Variants in QTGAL observed in about 807,000 individuals in gnomAD.
QTGAL encodes BGnT-like protein 1.
the QTGAL span, among the ~76,000 whole-genome samples, chr17:82,951,088 A>G: frequency 6.6e-6 from 1 of 152,200 alleles, no homozygotes; most frequent in Non-Finnish European, 1.5e-5. Flanking sequence ...GCGTTCCAAT[A>G]ATGGAACACT....
chr17:82,976,227 G>A, the QTGAL span, among the ~76,000 whole-genome samples: 47 of 62,666 alleles, frequency 7.5e-4, no homozygotes, highest in African/African-American at 1.6e-3. Flanking sequence ...GGACAGAGCC[G>A]GACTCCATCC....
the QTGAL span, chr17:83,005,255 C>G: frequency 4.0e-6 from 6 of 1,498,506 alleles, no homozygotes; most frequent in Admixed American, 3.5e-5. The surrounding 1 kb of genome is among the most constrained non-coding windows in gnomAD (Gnocchi z 5.6). Flanking sequence ...AAGTCAGGTA[C>G]GCAGGTGCAT....
the QTGAL span, chr17:82,956,904 C>A: frequency 8.9e-7 from 1 of 1,122,994 alleles, no homozygotes; most frequent in South Asian, 1.3e-5. This position sits in a 1 kb window ranked among gnomAD's most constrained non-coding sequence, Gnocchi z 5.7. Flanking sequence ...GTGCCAGGGT[C>A]ACAGACTGCG....
At chr17:82,959,976 G>A in the QTGAL span, among the ~76,000 whole-genome samples, 13 of 152,280 alleles carry the variant, frequency 8.5e-5, no homozygotes, top group East Asian at 1.2e-3. Flanking sequence ...CCGTGGCCCC[G>A]CCTTAGCACC....
chr17:83,003,078 CA>C, the QTGAL span, among the ~76,000 whole-genome samples: 1 of 28,182 alleles, frequency 3.5e-5, no homozygotes, highest in Non-Finnish European at 8.2e-5. Context: ...CCACTCTCCG[CA>C]GTCCGCGTGT....
the QTGAL span, among the ~76,000 whole-genome samples, chr17:83,019,061 C>T: frequency 1.3e-5 from 2 of 152,148 alleles, no homozygotes; most frequent in Admixed American, 6.5e-5. Context: ...CACCAGGAGA[C>T]GCACGATGAC....
chr17:82,984,600 A>AGAGACCACGTGATTATGC, the QTGAL span, among the ~76,000 whole-genome samples: 1 of 152,020 alleles, frequency 6.6e-6, no homozygotes, highest in Non-Finnish European at 1.5e-5. Flanking sequence ...TCGTGCAGGG[A>AGAGACCACGTGATTATGC]AAGGGTGCCA....
At chr17:82,989,652 A>G in the QTGAL span, among the ~76,000 whole-genome samples, 1 of 152,208 alleles carries the variant, frequency 6.6e-6, no homozygotes, top group Non-Finnish European at 1.5e-5. Flanking sequence ...GACATGCACA[A>G]TGCTTACAAA....
chr17:82,970,557 C>CCGCGACCTCCGCACCCAGCGTGGA, the QTGAL span, among the ~76,000 whole-genome samples: 1 of 90,172 alleles, frequency 1.1e-5, no homozygotes, highest in African/African-American at 5.0e-5. Context: ...CCCGGCGTGG[C>CCGCGACCTCCGCACCCAGCGTGGA]CGCGACCTCC....
At chr17:82,944,146 A>C in the QTGAL span, 15 of 152,392 alleles carry the variant, frequency 9.8e-5, no homozygotes, top group East Asian at 2.7e-3. Flanking sequence ...ATTTTAAGAC[A>C]TGGAGGCAGG....
At chr17:82,986,832 C>T in the QTGAL span, among the ~76,000 whole-genome samples, 2 of 152,186 alleles carry the variant, frequency 1.3e-5, no homozygotes, top group South Asian at 2.1e-4. Context: ...AATGTTGGGG[C>T]GTATTACTCC....
chr17:83,011,954 A>G, the QTGAL span, among the ~76,000 whole-genome samples: 35 of 146,980 alleles, frequency 2.4e-4, no homozygotes, highest in East Asian at 2.0e-4. Context: ...CCTCGTATCC[A>G]TAAGTATCCC....
At chr17:82,970,544 G>GCGTGGACGTGACCTCCC in the QTGAL span, among the ~76,000 whole-genome samples, 4 of 90,808 alleles carry the variant, frequency 4.4e-5, no homozygotes, top group African/African-American at 2.2e-4. Flanking sequence ...CGCGACCTCC[G>GCGTGGACGTGACCTCCC]CACCCGGCGT....
At chr17:82,999,712 T>G in the QTGAL span, among the ~76,000 whole-genome samples, 1 of 152,324 alleles carries the variant, frequency 6.6e-6, no homozygotes, top group South Asian at 2.1e-4. Context: ...GTTCACGTAG[T>G]CTGTTTACAA....
the QTGAL span, among the ~76,000 whole-genome samples, chr17:83,033,621 A>G: frequency 2.0e-5 from 3 of 151,358 alleles, no homozygotes; most frequent in Non-Finnish European, 2.9e-5. Context: ...ACAGGCGCCC[A>G]CCACCACGCC....
At chr17:82,979,582 A>G in the QTGAL span, among the ~76,000 whole-genome samples, 2 of 152,230 alleles carry the variant, frequency 1.3e-5, no homozygotes, top group Non-Finnish European at 2.9e-5. Context: ...CTTGTACACT[A>G]AAAACTACAA....
At chr17:82,957,574 G>A in the QTGAL span, 1 of 1,487,356 alleles carries the variant, frequency 6.7e-7, no homozygotes, top group Middle Eastern at 2.3e-4. Context: ...GACATGATGT[G>A]TGCTCAGCTC....
chr17:83,027,249 C>T, the QTGAL span, among the ~76,000 whole-genome samples: 9 of 152,384 alleles, frequency 5.9e-5, no homozygotes, highest in African/African-American at 2.2e-4. Flanking sequence ...AAGTGATTTT[C>T]AACAAAGGCA....
At chr17:82,961,281 G>A in the QTGAL span, 56 of 1,469,782 alleles carry the variant, frequency 3.8e-5, no homozygotes, top group Non-Finnish European at 4.8e-5. Flanking sequence ...ACCAGGAACC[G>A]GTGGAAAAGG....
Sources: gnomAD v4.1 joint callset for allele counts (sites outside exome capture counted in the v4.1 genomes callset) on GRCh38, gnomAD v4.1.1 for gene constraint, Gnocchi (gnomAD v3.1) non-coding constraint, MANE v1.5 for transcripts, NCBI Gene and HGNC (gene_info 2026-07-23, HGNC 2026-07-21) for gene names.